Variants in TSGA10IP observed in about 807,000 individuals in gnomAD.
TSGA10IP encodes testis-specific protein 10-interacting protein.
Under a neutral mutation model 63.2 loss-of-function variants are expected in TSGA10IP, and 64 were observed. That is an observed-to-expected ratio of 1.01 (90% confidence interval 0.83 to 1.25). TSGA10IP has a LOEUF of 1.25. Among genes scored for constraint, TSGA10IP ranks in the 50% most tolerant of loss-of-function variants. The pLI, the probability that TSGA10IP is intolerant of heterozygous loss-of-function variation, is 0.00. For synonymous variants in TSGA10IP, 316 were observed against 298.3 expected (o/e 1.06, Z -0.61); for missense variants, 681 against 710.1 (o/e 0.96, Z 0.47).
At chr11:65,953,032 T>TTC (rs1319040578) in intron 4 of TSGA10IP, among the ~76,000 whole-genome samples, 1 of 143,814 alleles carries the variant, frequency 7.0e-6, no homozygotes, top group African/African-American at 2.6e-5. Context: ...CTTTCTTTCT[T>TTC]TTTTTTTTTT....
At chr11:65,953,505 G>A in intron 4 of TSGA10IP, 62 bp from the exon 5 acceptor site, 2 of 1,486,298 alleles carry the variant, frequency 1.3e-6, no homozygotes, top group Non-Finnish European at 1.8e-6. Flanking sequence ...TCCAGCCCCT[G>A]GCCCTCCGTG....
At position 65,958,881 on chromosome 11, in the gene TSGA10IP, A is replaced by G; in HGVS notation, c.1323-2A>G. The G allele has an allele frequency of 6.2e-7, 1 of 1,611,406 alleles. No homozygotes were observed. Among genetic ancestry groups the G allele is most frequent in the Non-Finnish European group, 8.5e-7 (1 of 1,178,748 alleles). On this transcript the variant is annotated splice_acceptor_variant, in intron 5 of 7. Coordinates refer to ENST00000532620, the Ensembl canonical transcript of TSGA10IP. LOFTEE classifies it high-confidence loss of function. ...CTGCACAAAGGCCTGTCTCCCCTGC[A>G]GGCGCCAGGAGCGACAGCGCTTTGC...
chr11:65,950,072 C>T lies in TSGA10IP; in HGVS notation c.1151+1924C>T, dbSNP rs1282771872. Among the ~76,000 whole-genome samples the T allele has an allele frequency of 5.5e-5, 8 of 146,156 alleles. No homozygotes were observed. In the South Asian group the frequency reaches 6.6e-4, roughly 12 times the overall value. ...TTCACCATATTGGCCAGGCTGGTTT[C>T]GAACTCCAGACCTCATGATCTGCCC... is the stretch of plus-strand genomic sequence containing the variant. On this transcript the variant is annotated intron_variant, in intron 4 of 7. Coordinates refer to ENST00000532620, the Ensembl canonical transcript of TSGA10IP.
chr11:65,957,835 G>A (rs894121663), intron 5 of TSGA10IP, among the ~76,000 whole-genome samples: 27 of 152,222 alleles, frequency 1.8e-4, no homozygotes, highest in African/African-American at 6.5e-4. Context: ...TTCACAGATG[G>A]ATGCCTGGTC....
At chr11:65,947,522 G>A in exon 3 of TSGA10IP, 2 of 1,613,730 alleles carry the variant, frequency 1.2e-6, no homozygotes, top group Non-Finnish European at 1.7e-6. Context: ...GAGTTCTGGG[G>A]TGCTGCCCCA....
intron 5 of TSGA10IP, among the ~76,000 whole-genome samples, chr11:65,955,221 G>A (rs1316603650): frequency 6.6e-6 from 1 of 152,072 alleles, no homozygotes; most frequent in East Asian, 1.9e-4. Flanking sequence ...TTATGAATAA[G>A]GGGCTTTTGT....
chr11:65,946,594 G>T (rs1854838564), intron 1 of TSGA10IP, among the ~76,000 whole-genome samples: 1 of 152,130 alleles, frequency 6.6e-6, no homozygotes. Flanking sequence ...ACCACACTCG[G>T]CTAATTTTTT....
chr11:65,956,686 C>G (rs746472941), intron 5 of TSGA10IP, among the ~76,000 whole-genome samples: 16 of 152,160 alleles, frequency 1.1e-4, no homozygotes, highest in Non-Finnish European at 2.2e-4. Context: ...CGCCACCACA[C>G]CTGGCTAATT....
chr11:65,953,518 G>T (rs1023564048), intron 4 of TSGA10IP, 49 bp from the exon 5 acceptor site: 21 of 1,496,138 alleles, frequency 1.4e-5, no homozygotes, highest in Non-Finnish European at 1.8e-5. Flanking sequence ...CCTCCGTGAG[G>T]CTCCTGCTGC....
chr11:65,959,027 A>T, intron 6 of TSGA10IP, 45 bp downstream of exon 6: 1 of 1,603,254 alleles, frequency 6.2e-7, no homozygotes, highest in Non-Finnish European at 8.5e-7. Flanking sequence ...CCCTGTGAAG[A>T]GCTGGCTGAG....
intron 4 of TSGA10IP, among the ~76,000 whole-genome samples, chr11:65,948,484 C>G (rs952563276): frequency 4.6e-5 from 7 of 152,174 alleles, no homozygotes; most frequent in African/African-American, 1.7e-4. Flanking sequence ...CGTTTATTAT[C>G]TACTCATGGG....
intron 4 of TSGA10IP, among the ~76,000 whole-genome samples, chr11:65,951,633 G>A (rs963063992): frequency 6.6e-6 from 1 of 151,572 alleles, no homozygotes; most frequent in Non-Finnish European, 1.5e-5. Context: ...GAATTCCTGG[G>A]CACAAGTGAC....
chr11:65,947,323 G>A (rs758851062), exon 3 of TSGA10IP: 15 of 1,611,194 alleles, frequency 9.3e-6, no homozygotes, highest in South Asian at 6.6e-5. Flanking sequence ...AGACAGAGGC[G>A]CAAAACCTGA....
chr11:65,958,919 G>C, exon 6 of TSGA10IP: 1 of 1,613,206 alleles, frequency 6.2e-7, no homozygotes, highest in South Asian at 1.1e-5. Context: ...AGTACCAGGC[G>C]GAGCTGCAAG....
chr11:65,958,885 G>A lies in TSGA10IP; in HGVS notation c.1325G>A (p.Arg442His), dbSNP rs548379525. The change falls in exon 6 of 8, where the codon CGC becomes CAC. Residue 442 changes from arginine (R) to histidine (H), a missense_variant and splice_region_variant. Arg to His is a conservative substitution (Grantham distance 29, BLOSUM62 0). Coordinates refer to ENST00000532620, the Ensembl canonical transcript of TSGA10IP. ...ACAAAGGCCTGTCTCCCCTGCAGGC[G>A]CCAGGAGCGACAGCGCTTTGCTGAG... 43 of 1,612,206 alleles carry A rather than the reference G, an allele frequency of 2.7e-5. No homozygotes were observed. Among genetic ancestry groups the A allele is most frequent in the Admixed American group, 6.7e-5 (4 of 59,930 alleles).
rs760941907 is a variant in TSGA10IP, at chr11:65,947,080, G to C, written c.285-30G>C. The C allele has an allele frequency of 3.7e-6, 6 of 1,608,192 alleles. No homozygotes were observed. In the Middle Eastern group the frequency reaches 5.0e-4, roughly 134 times the overall value. Reference sequence around the variant, plus strand: ...TCAGGGCCCTCTGGGGGCTGGCGCCGACCCTGACCCCCACCCTTTCCTTCT... The same window carrying C: ...TCAGGGCCCTCTGGGGGCTGGCGCCCACCCTGACCCCCACCCTTTCCTTCT... On this transcript the variant is annotated intron_variant, in intron 2 of 7. Transcript: ENST00000532620.
intron 4 of TSGA10IP, among the ~76,000 whole-genome samples, chr11:65,948,986 C>A (rs1238795325): frequency 6.6e-6 from 1 of 151,292 alleles, no homozygotes; most frequent in Non-Finnish European, 1.5e-5. Flanking sequence ...AACGAACAAA[C>A]AAACGAACAA....
rs754626627 is a variant in TSGA10IP at position 65,948,214 on chromosome 11, A to C, written c.1151+66A>C. 2.6e-6 allele frequency: 4 copies of C among 1,512,514 alleles called. No individual in the cohort carries two copies. In the East Asian group the frequency reaches 9.6e-5, roughly 36 times the overall value. 93.7% of individuals were successfully genotyped at this position (1,512,514 alleles called of 1,614,324 possible). A position where few individuals can be genotyped will look rare whatever the true frequency, so the allele number is the denominator to read the frequency against. On this transcript the variant is annotated intron_variant, in intron 4 of 7. Coordinates refer to ENST00000532620, the Ensembl canonical transcript of TSGA10IP. ...GTAGAGATGGAGCCACTTCTCCAAG[A>C]GATGCTTAGGCATTTGAACTCTCAT...
At chr11:65,948,377 C>T (rs533542135) in intron 4 of TSGA10IP, among the ~76,000 whole-genome samples, 1 of 152,208 alleles carries the variant, frequency 6.6e-6, no homozygotes, top group Admixed American at 6.5e-5. Context: ...ATCCATCTCT[C>T]TCAATACCTG....
Sources: gnomAD v4.1 joint callset for allele counts (sites outside exome capture counted in the v4.1 genomes callset) on GRCh38, gnomAD v4.1.1 for gene constraint, MANE v1.5 for transcripts, NCBI Gene and HGNC (gene_info 2026-07-23, HGNC 2026-07-21) for gene names.